The following LANCL3 variants were observed in gnomAD, a reference collection of about 807,000 sequenced individuals.
LANCL3 encodes LanC like family member 3.
Under a neutral mutation model 26.5 loss-of-function variants are expected in LANCL3, and 19 were observed. The observed-to-expected ratio is 0.72, with a 90% confidence interval of 0.50 to 1.05. The LOEUF is 1.05. Among genes scored for constraint, LANCL3 ranks in the 50% least tolerant of loss-of-function variants. LANCL3 has a pLI of 0.00. For missense variants in LANCL3, 318 were observed against 362.7 expected, an observed-to-expected ratio of 0.88 and a Z score of 1.00; for synonymous variants, 160 against 166.6, an observed-to-expected ratio of 0.96 and a Z score of 0.30.
At chrX:37,632,786 C>G (rs138729955) in intron 1 of LANCL3, among the ~76,000 whole-genome samples, 25,674 of 111,061 alleles carry the variant, frequency 0.23, 2,582 homozygotes, top group African/African-American at 0.39. Flanking sequence ...TTGGCCCCCA[C>G]TCTCTTCTGG....
chrX:37,645,552 T>G (rs782155756), intron 1 of LANCL3, among the ~76,000 whole-genome samples: 3 of 112,555 alleles, frequency 2.7e-5, no homozygotes, highest in African/African-American at 9.7e-5. Context: ...GGAAGAGAAT[T>G]TCTTATCGTT....
intron 1 of LANCL3, among the ~76,000 whole-genome samples, chrX:37,640,587 A>G (rs1160746232): frequency 1.8e-5 from 2 of 111,658 alleles, no homozygotes; most frequent in Non-Finnish European, 3.8e-5. Context: ...AGCAGGGCTC[A>G]ATAATTATCA....
intron 4 of LANCL3, among the ~76,000 whole-genome samples, chrX:37,675,240 C>G (rs1218502881): frequency 9.0e-6 from 1 of 111,694 alleles, no homozygotes; most frequent in East Asian, 2.8e-4. Context: ...AAACAAAAAC[C>G]CAGCTTAGAG....
chrX:37,587,648 T>C (rs1924140882), intron 1 of LANCL3, among the ~76,000 whole-genome samples: 1 of 112,833 alleles, frequency 8.9e-6, no homozygotes, highest in African/African-American at 3.2e-5. Flanking sequence ...CTTGGAAAAG[T>C]GCAGTATTAG....
chrX:37,589,151 G>GT lies in LANCL3; in HGVS notation c.573+16718dup, dbSNP rs1160149401. Among the ~76,000 whole-genome samples, 883 of 107,714 alleles carry GT rather than the reference G, an allele frequency of 8.2e-3. 5 individuals are homozygous for GT. The highest frequency in any genetic ancestry group is 0.028 in the African/African-American group (822 of 29,682). 93.5% of individuals were successfully genotyped at this position (107,714 alleles called of 115,157 possible). A position where few individuals can be genotyped will look rare whatever the true frequency, so the allele number is the denominator to read the frequency against. ...TTAACATAATCTTGCTTTTTAAAAT[G>GT]TTTTTTTTTTCTTCTGAGACAAAAA... is the stretch of plus-strand genomic sequence containing the variant. On this transcript the variant is annotated intron_variant, in intron 1 of 4. Coordinates refer to ENST00000378619, the MANE Select transcript of LANCL3 (RefSeq NM_001170331.2).
intron 1 of LANCL3, among the ~76,000 whole-genome samples, chrX:37,602,732 A>G (rs928763340): frequency 4.5e-5 from 5 of 111,371 alleles, no homozygotes; most frequent in African/African-American, 1.6e-4. Flanking sequence ...ACTAGGAGGT[A>G]ACTCTTCTTT....
intron 4 of LANCL3, among the ~76,000 whole-genome samples, chrX:37,671,762 T>G (rs5963221): frequency 0.13 from 14,249 of 111,865 alleles, 757 homozygotes; most frequent in Non-Finnish European, 0.17. Flanking sequence ...CAAGTCAACT[T>G]ATCTAATATT....
intron 1 of LANCL3, among the ~76,000 whole-genome samples, chrX:37,614,614 T>C (rs1569464844): frequency 8.9e-6 from 1 of 112,157 alleles, no homozygotes; most frequent in Non-Finnish European, 1.9e-5. Context: ...GTTGTCACTC[T>C]ATGGTGTCAA....
chrX:37,635,299 A>G (rs1299333202), intron 1 of LANCL3, among the ~76,000 whole-genome samples: 1 of 112,218 alleles, frequency 8.9e-6, no homozygotes, highest in Non-Finnish European at 1.9e-5. Context: ...TGATTTTTGA[A>G]TGGATACCCA....
At chrX:37,598,129 G>A (rs1924487064) in intron 1 of LANCL3, among the ~76,000 whole-genome samples, 1 of 111,377 alleles carries the variant, frequency 9.0e-6, no homozygotes, top group Non-Finnish European at 1.9e-5. Context: ...TCTTTTAACT[G>A]TGTTGATGGT....
chrX:37,587,392 T>A (rs5963751), intron 1 of LANCL3, among the ~76,000 whole-genome samples: 23,997 of 112,147 alleles, frequency 0.21, 3,888 homozygotes, highest in African/African-American at 0.57. Context: ...CTGCCCCCAG[T>A]GGTGGAGTCT....
chrX:37,629,178 T>G (rs1347850070), intron 1 of LANCL3, among the ~76,000 whole-genome samples: 1 of 109,552 alleles, frequency 9.1e-6, no homozygotes, highest in Non-Finnish European at 1.9e-5. Flanking sequence ...TGGTTTTGAT[T>G]TGCATTTCTC....
intron 1 of LANCL3, among the ~76,000 whole-genome samples, chrX:37,606,494 A>G: frequency 8.9e-6 from 1 of 112,163 alleles, no homozygotes; most frequent in South Asian, 3.7e-4. Context: ...TCTCTACACC[A>G]TGCAGGAATA....
chrX:37,572,055 A>C lies in LANCL3; in HGVS notation c.185A>C (p.Gln62Pro), dbSNP rs1168871792. ...GCGACGGCGGGGGCTAGCGCCTGCC[A>C]GGGGGGGCTTTATGGCGGCGTGGCC... is the stretch of plus-strand genomic sequence containing the variant. Reference protein sequence around the residue: ...RGATAGASACQGGLYGGVAGV... With the variant: ...RGATAGASACPGGLYGGVAGV... Residue 62 changes from glutamine (Q) to proline (P), a missense_variant, in exon 1 of 5, where the codon CAG (glutamine) becomes CCG (proline). Physicochemically the swap from Gln to Pro is moderately conservative, Grantham distance 76 (BLOSUM62 -1). Coordinates refer to ENST00000378619, the MANE Select transcript of LANCL3 (RefSeq NM_001170331.2). The C allele has an allele frequency of 8.5e-7, 1 of 1,180,402 alleles. No individual in the cohort carries two copies.
At chrX:37,594,695 G>T (rs1213261541) in intron 1 of LANCL3, among the ~76,000 whole-genome samples, 9 of 112,060 alleles carry the variant, frequency 8.0e-5, no homozygotes, top group African/African-American at 2.9e-4. Flanking sequence ...AATGGCAATT[G>T]TTTTTGTTTG....
intron 1 of LANCL3, among the ~76,000 whole-genome samples, chrX:37,640,300 A>G (rs1925830545): frequency 9.0e-6 from 1 of 111,604 alleles, no homozygotes; most frequent in African/African-American, 3.3e-5. Flanking sequence ...GGAAGTAGGC[A>G]CTTATTTACA....
chrX:37,658,001 A>G (rs1311581278), intron 2 of LANCL3, among the ~76,000 whole-genome samples: 4 of 112,300 alleles, frequency 3.6e-5, no homozygotes, highest in Admixed American at 2.8e-4. Context: ...GATTCTACTA[A>G]CTGGGAATGA....
chrX:37,659,480 C>T lies in LANCL3; in HGVS notation c.716C>T (p.Ser239Leu), dbSNP rs1556432064. The T allele has an allele frequency of 3.3e-6, 4 of 1,207,248 alleles. No individual in the cohort carries two copies. Among genetic ancestry groups the T allele is most frequent in the Non-Finnish European group, 3.4e-6 (3 of 893,740 alleles). The stretch of plus-strand genomic sequence containing the variant: ...AATACAGGGGCAGCTCACGGCTTGT[C>T]GTCTATTCTTCAGATGCTTCTTTCT... ...TEYLGAAHGL[S>L]SILQMLLSYH... is the part of the protein sequence containing the mutation. Residue 239 changes from serine to leucine, a missense_variant, in exon 3 of 5, where the codon TCG becomes TTG. Ser to Leu is a moderately radical substitution (Grantham distance 145). Coordinates refer to ENST00000378619, the MANE Select transcript of LANCL3 (RefSeq NM_001170331.2).
At chrX:37,670,008 T>C (rs1368565589) in intron 4 of LANCL3, among the ~76,000 whole-genome samples, 1 of 112,760 alleles carries the variant, frequency 8.9e-6, no homozygotes, top group African/African-American at 3.2e-5. Flanking sequence ...TTATTCACTA[T>C]GCATGTATGA....
Sources: gnomAD v4.1 joint callset for allele counts (sites outside exome capture counted in the v4.1 genomes callset) on GRCh38, gnomAD v4.1.1 for gene constraint, MANE v1.5 for transcripts, NCBI Gene and HGNC (gene_info 2026-07-23, HGNC 2026-07-21) for gene names.